Variants in NT5DC4 observed in about 807,000 individuals in gnomAD.
NT5DC4 encodes the protein 5'-nucleotidase domain containing 4, also known as 5'-nucleotidase domain-containing protein 4.
Under a neutral mutation model 26.6 loss-of-function variants are expected in NT5DC4, and 44 were observed. The ratio of observed to expected loss-of-function variants is 1.65; its 90% confidence interval spans 1.30 to 2.13. The LOEUF is 2.13. NT5DC4 is among the 30% of genes most tolerant of loss of function. The pLI, the probability that NT5DC4 is intolerant of heterozygous loss-of-function variation, is 0.00. For missense variants in NT5DC4, 399 were observed against 228.1 expected, an observed-to-expected ratio of 1.75 and a Z score of -4.83; for synonymous variants, 157 against 86.7, an observed-to-expected ratio of 1.81 and a Z score of -4.51.
chr2:112,740,758 A>G, downstream of NT5DC4: 1 of 1,402,846 alleles, frequency 7.1e-7, no homozygotes, highest in Non-Finnish European at 9.9e-7. Context: ...TGAAGGAAAA[A>G]TCGAGACTTG....
intron 16 of NT5DC4, among the ~76,000 whole-genome samples, chr2:112,731,937 T>G (rs80111747): frequency 6.7e-6 from 1 of 149,376 alleles, no homozygotes; most frequent in Non-Finnish European, 1.5e-5. Context: ...TTTTTTTTTT[T>G]TTTGAGACAG....
At chr2:112,741,782 T>TG (rs1679983865), downstream of NT5DC4, among the ~76,000 whole-genome samples, 1 of 152,088 alleles carries the variant, frequency 6.6e-6, no homozygotes, top group Admixed American at 6.5e-5. Context: ...TTTTTTGAGA[T>TG]GGAGTTTCGC....
At chr2:112,736,142 G>A (rs908735035) in intron 16 of NT5DC4, among the ~76,000 whole-genome samples, 5 of 152,002 alleles carry the variant, frequency 3.3e-5, no homozygotes, top group Non-Finnish European at 5.9e-5. Context: ...CTGCAGGATC[G>A]ATCATGAGAA....
intron 16 of NT5DC4, among the ~76,000 whole-genome samples, chr2:112,733,266 TA>T (rs1488501575): frequency 2.5e-5 from 3 of 121,778 alleles, no homozygotes; most frequent in African/African-American, 6.0e-5. Context: ...TTTTTTTTTT[TA>T]AACTTAATGT....
chr2:112,739,933 CA>C (rs1326979746), downstream of NT5DC4, among the ~76,000 whole-genome samples: 3 of 152,074 alleles, frequency 2.0e-5, no homozygotes, highest in Non-Finnish European at 4.4e-5. Flanking sequence ...GGATTACAGG[CA>C]TGAGCCACCA....
chr2:112,732,577 C>T (rs1678616133), intron 16 of NT5DC4, among the ~76,000 whole-genome samples: 1 of 152,190 alleles, frequency 6.6e-6, no homozygotes, highest in Non-Finnish European at 1.5e-5. Flanking sequence ...TGCTCAGACC[C>T]TAGAGCCCAT....
chr2:112,741,324 T>C (rs770237101), downstream of NT5DC4, among the ~76,000 whole-genome samples: 15 of 152,172 alleles, frequency 9.9e-5, no homozygotes, highest in Non-Finnish European at 2.1e-4. Flanking sequence ...TCTTAGGGAC[T>C]AATCACTGGC....
rs1321283306 is a variant in NT5DC4 at position 112,723,179 on chromosome 2, G to GT, written c.621+6dup. The GT allele has an allele frequency of 1.4e-6, 1 of 717,218 alleles. No homozygotes were observed. The highest frequency in any genetic ancestry group is 2.6e-6 in the Non-Finnish European group (1 of 385,084). 44.4% of individuals were successfully genotyped at this position (717,218 alleles called of 1,614,324 possible). On this transcript the variant is annotated splice_donor_region_variant and intron_variant, in intron 7 of 16. Transcript: ENST00000688554. ...ATGAATAACATCCACCAGTCGGTGA[G>GT]TGAGTGGTCCAGAACCCCCGGACCC... is the stretch of plus-strand genomic sequence containing the variant.
intron 16 of NT5DC4, among the ~76,000 whole-genome samples, chr2:112,734,619 G>T (rs59143214): frequency 0.033 from 4,991 of 152,250 alleles, 275 homozygotes; most frequent in African/African-American, 0.11. Flanking sequence ...GGTCACATGC[G>T]CATACTGGGG....
At chr2:112,736,366 T>C (rs1255626613) in intron 16 of NT5DC4, among the ~76,000 whole-genome samples, 1 of 152,208 alleles carries the variant, frequency 6.6e-6, no homozygotes, top group Admixed American at 6.5e-5. Flanking sequence ...GACAATTTTA[T>C]TTTATTAGGT....
chr2:112,723,536 T>G, intron 8 of NT5DC4, 68 bp downstream of exon 8: 1 of 707,910 alleles, frequency 1.4e-6, no homozygotes, highest in Non-Finnish European at 2.6e-6. Context: ...CCGCAACCCT[T>G]CTCTGGCTTT....
Position 112,722,465 on chromosome 2 carries a change from G to C in NT5DC4, c.363-18G>C. On this transcript the variant is annotated intron_variant, in intron 4 of 16. Coordinates refer to ENST00000688554, the MANE Select transcript of NT5DC4 (RefSeq NM_001393655.1). The stretch of plus-strand genomic sequence containing the variant: ...GGCCTCCAGGAGGCACTGGGGAGGG[G>C]TCATTGGCTGCACCCAGCCTACCCC... The C allele has an allele frequency of 1.4e-6, 1 of 717,144 alleles. No individual in the cohort carries two copies. The highest frequency in any genetic ancestry group is 2.6e-6 in the Non-Finnish European group (1 of 385,034). The allele number at this position is 717,144 out of a possible 1,614,324, so 44.4% of individuals were successfully genotyped here. A position where few individuals can be genotyped will look rare whatever the true frequency, so the allele number is the denominator to read the frequency against.
In NT5DC4 at chr2:112,722,768, C is replaced by G. The variant is rs1004207927; in HGVS notation, c.524C>G (p.Thr175Ser). 1.1e-5 allele frequency: 8 copies of G among 717,510 alleles called. No homozygotes were observed. The highest frequency in any genetic ancestry group is 2.1e-5 in the Non-Finnish European group (8 of 385,126). 44.4% of individuals were successfully genotyped at this position (717,510 alleles called of 1,614,324 possible). A position where few individuals can be genotyped will look rare whatever the true frequency, so the allele number is the denominator to read the frequency against. The change falls in exon 6 of 17, where the codon ACT becomes AGT. Residue 175 changes from threonine (T) to serine (S), a missense_variant. Physicochemically the swap from Thr to Ser is moderately conservative, Grantham distance 58. Coordinates refer to ENST00000688554, the MANE Select transcript of NT5DC4 (RefSeq NM_001393655.1). ...VDFFSGCSRY[T>S]NCDTGYQHGN... ...TTCTTCTCTGGCTGCTCCCGTTACACTAAGTGCGTCTTGTGCCCTGCCCAG... is the reference window on the plus strand; with the variant it reads ...TTCTTCTCTGGCTGCTCCCGTTACAGTAAGTGCGTCTTGTGCCCTGCCCAG...
chr2:112,732,519 C>T (rs3900691), intron 16 of NT5DC4, among the ~76,000 whole-genome samples: 8,445 of 152,000 alleles, frequency 0.056, 354 homozygotes, highest in South Asian at 0.15. Context: ...TGTCTTTAAA[C>T]GCTTGATTCT....
In NT5DC4 at chr2:112,723,128, G is replaced by A; in HGVS notation, c.575G>A (p.Ser192Asn). Residue 192 changes from serine to asparagine, a missense_variant, in exon 7 of 17, where the codon AGC (serine) becomes AAC (asparagine). Physicochemically the swap from Ser to Asn is conservative, Grantham distance 46. Coordinates refer to ENST00000688554, the MANE Select transcript of NT5DC4 (RefSeq NM_001393655.1). ...GGGAACCTCTTCATGTCCTTCCGAA[G>A]CCTCTTCCAGGATGTGACTGATGCC... is the stretch of plus-strand genomic sequence containing the variant. The part of the protein sequence containing the change: ...QHGNLFMSFR[S>N]LFQDVTDAMN... 2.8e-6 allele frequency: 2 copies of A among 717,322 alleles called. No homozygotes were observed. The highest frequency in any genetic ancestry group is 5.2e-6 in the Non-Finnish European group (2 of 385,038). 44.4% of individuals were successfully genotyped at this position (717,322 alleles called of 1,614,324 possible).
At chr2:112,720,188 T>A (rs1000815046), upstream of NT5DC4, among the ~76,000 whole-genome samples, 9 of 145,726 alleles carry the variant, frequency 6.2e-5, no homozygotes, top group Non-Finnish European at 1.0e-4. Flanking sequence ...AGAGGCTAAT[T>A]TTTTTTTTCT....
upstream of NT5DC4, among the ~76,000 whole-genome samples, chr2:112,720,937 C>T (rs746061913): frequency 3.3e-5 from 5 of 152,152 alleles, no homozygotes; most frequent in Non-Finnish European, 7.3e-5. Context: ...CAAAGGGGCT[C>T]GGGGGAGATG....
rs553801711 is a variant in NT5DC4 at position 112,721,885 on chromosome 2, C to G, written c.142C>G (p.Leu48Val). The change falls in exon 2 of 17, where the codon CTG becomes GTG. Residue 48 changes from leucine (L) to valine (V), a missense_variant. Coordinates refer to ENST00000688554, the MANE Select transcript of NT5DC4 (RefSeq NM_001393655.1). ...CTTTGGCTTCGACATGGACTACACT[C>G]TGGCTGGTAGAGAGGGCTGGAACAC... is the stretch of plus-strand genomic sequence containing the variant. The part of the protein sequence containing the change: ...RCFGFDMDYT[L>V]AAYKSPAYEA... 9.8e-6 allele frequency: 7 copies of G among 717,400 alleles called. No homozygotes were observed. Among genetic ancestry groups the G allele is most frequent in the Admixed American group, 8.0e-5 (4 of 50,014 alleles). The allele number at this position is 717,400 out of a possible 1,614,324, so 44.4% of individuals were successfully genotyped here. A position where few individuals can be genotyped will look rare whatever the true frequency, so the allele number is the denominator to read the frequency against.
At chr2:112,735,647 A>G (rs1055334136) in intron 16 of NT5DC4, among the ~76,000 whole-genome samples, 8 of 150,882 alleles carry the variant, frequency 5.3e-5, no homozygotes, top group Admixed American at 2.6e-4. Flanking sequence ...TTTCCTTCCC[A>G]CTCTCCCTCC....
Sources: gnomAD v4.1 joint callset for allele counts (sites outside exome capture counted in the v4.1 genomes callset) on GRCh38, gnomAD v4.1.1 for gene constraint, MANE v1.5 for transcripts, NCBI Gene and HGNC (gene_info 2026-07-23, HGNC 2026-07-21) for gene names.